Variants in L3MBTL2 observed in about 807,000 individuals in gnomAD.
L3MBTL2 encodes the protein L3MBTL histone methyl-lysine binding protein 2.
Under a neutral mutation model 86.4 loss-of-function variants are expected in L3MBTL2, and 49 were observed. The observed-to-expected ratio is 0.57, with a 90% CI of 0.45 to 0.72. The LOEUF is 0.72. Among genes scored for constraint, L3MBTL2 ranks in the 30% least tolerant of loss-of-function variants. The probability of loss-of-function intolerance (pLI) is 0.00; values close to 1 mark genes in which losing one functional copy is unlikely to be tolerated. For synonymous variants in L3MBTL2, 336 were observed against 350.6 expected, an observed-to-expected ratio of 0.96 and a Z score of 0.47; for missense variants, 755 against 923.7, an observed-to-expected ratio of 0.82 and a Z score of 2.37.
rs2145608053 is a variant in L3MBTL2 at position 41,224,787 on chromosome 22, T to C, written c.1237T>C (p.Tyr413His). Residue 413 changes from tyrosine (Y) to histidine (H), a missense_variant, in exon 10 of 17, where the codon TAC becomes CAC. Transcript: ENST00000216237. The surrounding 1 kb of genome is among the most constrained non-coding windows in gnomAD (Gnocchi z 4.9). ...GAAGATCTACTGTGATGCCGTTCCTTACCTCTTCAAGAAGGTGAGGTTCAG... is the reference window on the plus strand; with the variant it reads ...GAAGATCTACTGTGATGCCGTTCCTCACCTCTTCAAGAAGGTGAGGTTCAG... ...FRKIYCDAVP[Y>H]LFKKVRAVYT... The C allele has an allele frequency of 6.2e-7, 1 of 1,613,520 alleles. No homozygotes were observed. The highest frequency in any genetic ancestry group is 8.5e-7 in the Non-Finnish European group (1 of 1,179,420).
intron 2 of L3MBTL2, 56 bp downstream of exon 2, chr22:41,209,989 AG>A (rs2145567762): frequency 2.5e-6 from 4 of 1,589,268 alleles, no homozygotes; most frequent in South Asian, 2.3e-5. Flanking sequence ...ATAGAGGAAG[AG>A]GGGGGTGGAT....
At position 41,218,646 on chromosome 22, in the gene L3MBTL2, G is replaced by A. The variant is rs2031577364; in HGVS notation, c.601-773G>A. ...TATTTTATTTATTTTTTCGATATGG[G>A]AGTTTCACTCTTGTTGCCCAGAGCT... On this transcript the variant is annotated intron_variant, in intron 5 of 16. Transcript: ENST00000216237. 3 of 152,164 alleles carry A rather than the reference G, an allele frequency of 2.0e-5. No homozygotes were observed. In the South Asian group the frequency reaches 6.2e-4, roughly 32 times the overall value. The allele number at this position is 152,164 out of a possible 1,614,324, so 9.4% of individuals were successfully genotyped here.
intron 1 of L3MBTL2, 135 bp downstream of exon 1, chr22:41,205,521 G>T: frequency 1.9e-6 from 2 of 1,066,632 alleles, no homozygotes; most frequent in Non-Finnish European, 1.4e-6. Context: ...TAGTTAAACT[G>T]AGCCAGGGGC....
intron 15 of L3MBTL2, chr22:41,228,617 G>A (rs2032357323): frequency 1.3e-5 from 8 of 596,900 alleles, no homozygotes; most frequent in Admixed American, 6.3e-5. Context: ...TTGGGAGGCC[G>A]AGGTGGGCGG....
chr22:41,210,619 G>A (rs1177234668), intron 2 of L3MBTL2, among the ~76,000 whole-genome samples: 3 of 152,138 alleles, frequency 2.0e-5, no homozygotes, highest in Admixed American at 6.6e-5. Context: ...GTGTGCCACC[G>A]CGCCAGCCTA....
intron 8 of L3MBTL2, among the ~76,000 whole-genome samples, chr22:41,222,875 C>T (rs1041421202): frequency 6.6e-6 from 1 of 152,062 alleles, no homozygotes; most frequent in Admixed American, 6.5e-5. Flanking sequence ...GAGCTGAGAT[C>T]GTGCCACTGC....
chr22:41,216,773 C>G (rs185932675), intron 4 of L3MBTL2, among the ~76,000 whole-genome samples: 1,632 of 152,340 alleles, frequency 0.011, 10 homozygotes, highest in Non-Finnish European at 0.016. Flanking sequence ...CCCCCTCCCC[C>G]ACATTTAGAT....
chr22:41,207,927 GT>G (rs781399640), intron 1 of L3MBTL2, among the ~76,000 whole-genome samples: 2 of 151,938 alleles, frequency 1.3e-5, no homozygotes, highest in African/African-American at 2.4e-5. Flanking sequence ...CAACTCCTGG[GT>G]TCAAGTGATT....
intron 4 of L3MBTL2, among the ~76,000 whole-genome samples, chr22:41,216,624 C>A (rs1028663694): frequency 6.6e-6 from 1 of 152,130 alleles, no homozygotes; most frequent in African/African-American, 2.4e-5. Flanking sequence ...AGGAAAGGAG[C>A]CTCTCTCTGA....
At position 41,227,506 on chromosome 22, in the gene L3MBTL2, C is replaced by T. The variant is rs1305264861; in HGVS notation, c.1822+183C>T. 6.6e-6 allele frequency: 9 copies of T among 1,365,190 alleles called. No individual in the cohort carries two copies. The Admixed American group carries it at 1.8e-4, about 27-fold the overall frequency. The allele number at this position is 1,365,190 out of a possible 1,614,324, so 84.6% of individuals were successfully genotyped here. A position where few individuals can be genotyped will look rare whatever the true frequency, so the allele number is the denominator to read the frequency against. ...TCCTGACTTCTCTGTCTCCCTTTCC[C>T]TCTGGCCTGCAGAGCTCCTTCCTTC... On this transcript the variant is annotated intron_variant, in intron 14 of 16. Transcript: ENST00000216237. The surrounding 1 kb of genome is among the most constrained non-coding windows in gnomAD (Gnocchi z 6.0).
chr22:41,224,811 A>G lies in L3MBTL2; in HGVS notation c.1251+10A>G, dbSNP rs564253043. 3 of 1,611,340 alleles carry G rather than the reference A, an allele frequency of 1.9e-6. No individual in the cohort carries two copies. The highest frequency in any genetic ancestry group is 1.3e-5 in the African/African-American group (1 of 74,974). Reference sequence around the variant, plus strand: ...TTACCTCTTCAAGAAGGTGAGGTTCAGCTCTTGGGCGCTTTTCCCCTCAGC... The same window carrying G: ...TTACCTCTTCAAGAAGGTGAGGTTCGGCTCTTGGGCGCTTTTCCCCTCAGC... On this transcript the variant is annotated intron_variant, in intron 10 of 16. Transcript: ENST00000216237. This position sits in a 1 kb window ranked among gnomAD's most constrained non-coding sequence, Gnocchi z 4.9.
Position 41,225,901 on chromosome 22 carries a change from C to T in L3MBTL2, c.1464C>T (p.Thr488=), listed in dbSNP as rs2145611251. ...HASSHAIFPA[T]FCQKNDIELT... is the part of the protein sequence containing the mutation. ...CTTCCCACGCCATCTTCCCGGCCACCTTCTGTCAGAAGAATGACATTGAGC... is the reference window on the plus strand; with the variant it reads ...CTTCCCACGCCATCTTCCCGGCCACTTTCTGTCAGAAGAATGACATTGAGC... Residue 488 remains threonine, a synonymous_variant, in exon 12 of 17, where the codon ACC becomes ACT. Coordinates refer to ENST00000216237, the MANE Select transcript of L3MBTL2 (RefSeq NM_031488.5). The surrounding 1 kb of genome is among the most constrained non-coding windows in gnomAD (Gnocchi z 4.1). The T allele has an allele frequency of 1.2e-6, 2 of 1,614,158 alleles. No individual in the cohort carries two copies. Among genetic ancestry groups the T allele is most frequent in the Non-Finnish European group, 1.7e-6 (2 of 1,180,032 alleles).
At chr22:41,228,468 T>C in intron 15 of L3MBTL2, 1 of 985,420 alleles carries the variant, frequency 1.0e-6, no homozygotes. Flanking sequence ...GCCGCAGGCC[T>C]ATGACAGCGA....
Position 41,226,728 on chromosome 22 carries a change from C to T in L3MBTL2, c.1571C>T (p.Ser524Leu), listed in dbSNP as rs758916893. Residue 524 changes from serine (S) to leucine (L), a missense_variant, in exon 13 of 17, where the codon TCG becomes TTG. Physicochemically the swap from Ser to Leu is moderately radical, Grantham distance 145 (BLOSUM62 -2). Transcript: ENST00000216237. ...AAGACCAAGTCGAAAGCCGCTCCAT[C>T]GAGACTCTTTAACATGGTGAGGAGA... The part of the protein sequence containing the change: ...LEKTKSKAAP[S>L]RLFNMDCPNH... 15 of 1,613,566 alleles carry T rather than the reference C, an allele frequency of 9.3e-6. No homozygotes were observed. Among genetic ancestry groups the T allele is most frequent in the Admixed American group, 3.3e-5 (2 of 59,998 alleles).
intron 5 of L3MBTL2, chr22:41,217,982 C>G (rs2031525899): frequency 6.6e-6 from 1 of 152,238 alleles, no homozygotes; most frequent in African/African-American, 2.4e-5. Context: ...CTCCTTCCTG[C>G]TGGAGGGGGA....
Position 41,224,831 on chromosome 22 carries a change from C to G in L3MBTL2, c.1251+30C>G. The G allele has an allele frequency of 1.9e-6, 3 of 1,596,654 alleles. No homozygotes were observed. The highest frequency in any genetic ancestry group is 2.2e-5 in the South Asian group (2 of 90,700). On this transcript the variant is annotated intron_variant, in intron 10 of 16. Coordinates refer to ENST00000216237, the MANE Select transcript of L3MBTL2 (RefSeq NM_031488.5). The surrounding 1 kb of genome is among the most constrained non-coding windows in gnomAD (Gnocchi z 4.9). ...GGTTCAGCTCTTGGGCGCTTTTCCC[C>G]TCAGCCATGGGTCCATTCCGGGCCT...
At chr22:41,222,474 TA>T (rs1429942793) in intron 8 of L3MBTL2, among the ~76,000 whole-genome samples, 3 of 152,110 alleles carry the variant, frequency 2.0e-5, no homozygotes, top group African/African-American at 7.2e-5. Flanking sequence ...TAGTAAAAAT[TA>T]AAAAGTCACA....
intron 2 of L3MBTL2, among the ~76,000 whole-genome samples, chr22:41,211,642 C>T (rs2030829224): frequency 2.0e-5 from 3 of 147,072 alleles, no homozygotes; most frequent in South Asian, 2.1e-4. Flanking sequence ...CTGCAAGTTC[C>T]GCCTCCCAGG....
chr22:41,209,537 A>C, intron 1 of L3MBTL2, 159 bp from the exon 2 acceptor site: 1 of 653,616 alleles, frequency 1.5e-6, no homozygotes, highest in South Asian at 1.8e-5. Context: ...CATGGTGGAG[A>C]AATGTGTAAA....
Sources: gnomAD v4.1 joint callset for allele counts (sites outside exome capture counted in the v4.1 genomes callset) on GRCh38, gnomAD v4.1.1 for gene constraint, Gnocchi (gnomAD v3.1) non-coding constraint, MANE v1.5 for transcripts, NCBI Gene and HGNC (gene_info 2026-07-23, HGNC 2026-07-21) for gene names.